DGKI: variants seen among roughly 807,000 people sequenced by gnomAD.
DGKI encodes diacylglycerol kinase iota, also known as DAG kinase iota.
DGKI carries 55 observed loss-of-function variants against 147.5 expected under a neutral mutation model. The observed-to-expected ratio is 0.37, with a 90% CI of 0.30 to 0.47. DGKI has a LOEUF of 0.47. DGKI is among the 20% of genes least tolerant of loss of function. The pLI is 1.00. For synonymous variants in DGKI, 469 were observed against 477.1 expected, an observed-to-expected ratio of 0.98 and a Z score of 0.22; for missense variants, 1,007 against 1,323.8, an observed-to-expected ratio of 0.76 and a Z score of 3.71.
intron 8 of DGKI, among the ~76,000 whole-genome samples, chr7:137,609,816 G>T (rs998298136): frequency 6.6e-6 from 1 of 152,014 alleles, no homozygotes; most frequent in Non-Finnish European, 1.5e-5. Context: ...TCCACCACAC[G>T]GAGAGGCAGG....
chr7:137,832,088 G>C (rs945227423), intron 1 of DGKI, among the ~76,000 whole-genome samples: 1 of 152,222 alleles, frequency 6.6e-6, no homozygotes, highest in African/African-American at 2.4e-5. Flanking sequence ...GCTTCGCAGG[G>C]TATAGCCCCT....
intron 1 of DGKI, among the ~76,000 whole-genome samples, chr7:137,785,953 G>A (rs1191079044): frequency 6.6e-6 from 1 of 152,054 alleles, no homozygotes. Context: ...AGCAAAATCG[G>A]CATAGAAGGG....
chr7:137,754,071 A>G (rs917417295), intron 1 of DGKI, among the ~76,000 whole-genome samples: 1 of 152,160 alleles, frequency 6.6e-6, no homozygotes, highest in Non-Finnish European at 1.5e-5. Flanking sequence ...TCTAGAATCC[A>G]AGAGGGGTCA....
intron 5 of DGKI, among the ~76,000 whole-genome samples, chr7:137,653,400 T>C (rs145778126): frequency 9.0e-4 from 137 of 152,362 alleles, no homozygotes; most frequent in Non-Finnish European, 1.6e-3. Flanking sequence ...TGGCTTAAAG[T>C]AGTTTAATGC....
intron 27 of DGKI, among the ~76,000 whole-genome samples, chr7:137,455,664 T>A (rs1814170904): frequency 6.8e-6 from 1 of 146,002 alleles, no homozygotes; most frequent in Non-Finnish European, 1.5e-5. Context: ...GAATGTGGTC[T>A]CCATCTCCCT....
At chr7:137,459,531 G>A (rs1371225915) in intron 27 of DGKI, among the ~76,000 whole-genome samples, 1 of 139,974 alleles carries the variant, frequency 7.1e-6, no homozygotes, top group Non-Finnish European at 1.5e-5. Flanking sequence ...CTGGAGTGCA[G>A]TGGCACGGTC....
In DGKI at chr7:137,716,113, A is replaced by G. The variant is rs79131343; in HGVS notation, c.402-26111T>C. Among the ~76,000 whole-genome samples, 1,451 of 152,318 alleles carry G rather than the reference A, an allele frequency of 9.5e-3. 28 individuals are homozygous for G. The highest frequency in any genetic ancestry group is 0.034 in the African/African-American group (1,400 of 41,568). On this transcript the variant is annotated intron_variant, in intron 1 of 32. Coordinates refer to ENST00000614521, the MANE Select transcript of DGKI (RefSeq NM_001321708.2). ...GTCACAGACAAAAGGGAATCACCCA[A>G]TGCTTTTGTGTAAGAGATTGCATTC...
At chr7:137,591,704 C>G (rs1463032115) in intron 12 of DGKI, among the ~76,000 whole-genome samples, 1 of 152,198 alleles carries the variant, frequency 6.6e-6, no homozygotes, top group African/African-American at 2.4e-5. Context: ...GTTTCATCAA[C>G]TCATGTGTAG....
chr7:137,669,887 G>A (rs1266396821), intron 3 of DGKI, among the ~76,000 whole-genome samples: 1 of 152,066 alleles, frequency 6.6e-6, no homozygotes, highest in African/African-American at 2.4e-5. Flanking sequence ...ATGAGTCCTA[G>A]GAAAACTGCA....
intron 28 of DGKI, among the ~76,000 whole-genome samples, chr7:137,438,318 A>T (rs1290291845): frequency 3.9e-5 from 6 of 152,060 alleles, no homozygotes; most frequent in Admixed American, 3.9e-4. Flanking sequence ...CCATAAGTAT[A>T]TGAAAAGATG....
chr7:137,560,162 A>C (rs1818369886), intron 19 of DGKI, among the ~76,000 whole-genome samples: 1 of 152,198 alleles, frequency 6.6e-6, no homozygotes, highest in African/African-American at 2.4e-5. Context: ...CATCCATAAT[A>C]AAATGAAAAA....
intron 8 of DGKI, among the ~76,000 whole-genome samples, chr7:137,610,708 T>C (rs1242134408): frequency 1.3e-5 from 2 of 152,226 alleles, no homozygotes; most frequent in Non-Finnish European, 2.9e-5. Flanking sequence ...CAAATGTCTA[T>C]TCTACTTTTT....
In DGKI at chr7:137,384,047, T is replaced by G. The variant is rs952178893; in HGVS notation, c.*7173A>C. 1 of 152,086 alleles carries G rather than the reference T, an allele frequency of 6.6e-6. No homozygotes were observed. Among genetic ancestry groups the G allele is most frequent in the East Asian group, 1.9e-4 (1 of 5,192 alleles). The allele number at this position is 152,086 out of a possible 1,614,324, so 9.4% of individuals were successfully genotyped here. The stretch of plus-strand genomic sequence containing the variant: ...ACTATGTATTATCATAACACTTAGC[T>G]TGCATACCCACCCATAAACTTAGAG... On this transcript the variant is annotated 3_prime_UTR_variant, in exon 33 of 33. Coordinates refer to ENST00000614521, the MANE Select transcript of DGKI (RefSeq NM_001321708.2).
intron 1 of DGKI, among the ~76,000 whole-genome samples, chr7:137,711,892 C>T (rs1172895202): frequency 6.6e-6 from 1 of 151,588 alleles, no homozygotes; most frequent in East Asian, 1.9e-4. Flanking sequence ...CGGGGTTTCA[C>T]CACGTTGGCC....
intron 27 of DGKI, among the ~76,000 whole-genome samples, chr7:137,455,635 A>AT (rs1352640841): frequency 2.1e-3 from 63 of 30,442 alleles, no homozygotes; most frequent in Non-Finnish European, 6.2e-3. Context: ...AAGTTAAAAA[A>AT]AAAAGGGGGG....
chr7:137,739,704 G>A (rs1371060027), intron 1 of DGKI, among the ~76,000 whole-genome samples: 3 of 152,138 alleles, frequency 2.0e-5, no homozygotes, highest in Admixed American at 2.0e-4. Context: ...TGTAAAAAGT[G>A]CTACACGCAT....
At chr7:137,645,399 G>T in intron 6 of DGKI, 73 bp downstream of exon 6, 1 of 1,303,246 alleles carries the variant, frequency 7.7e-7, no homozygotes, top group South Asian at 1.3e-5. Flanking sequence ...TTGGGGACAG[G>T]ACTCATCTAC....
intron 19 of DGKI, among the ~76,000 whole-genome samples, chr7:137,559,555 T>TATTGCATAC (rs1818347579): frequency 6.6e-6 from 1 of 152,170 alleles, no homozygotes; most frequent in South Asian, 2.1e-4. Flanking sequence ...TAGTAGCAAT[T>TATTGCATAC]ATTGCATACT....
At chr7:137,588,333 A>G (rs1442448559) in intron 12 of DGKI, among the ~76,000 whole-genome samples, 1 of 152,174 alleles carries the variant, frequency 6.6e-6, no homozygotes, top group Non-Finnish European at 1.5e-5. Flanking sequence ...ATACTAGATC[A>G]TTTGTTTATT....
Sources: gnomAD v4.1 joint callset for allele counts (sites outside exome capture counted in the v4.1 genomes callset) on GRCh38, gnomAD v4.1.1 for gene constraint, MANE v1.5 for transcripts, NCBI Gene and HGNC (gene_info 2026-07-23, HGNC 2026-07-21) for gene names.